The following BAG1 variants were observed in gnomAD, a reference collection of about 807,000 sequenced individuals.
The protein encoded by BAG1 is BAG cochaperone 1.
A neutral mutation model predicts 35.5 loss-of-function variants in BAG1; 35 were observed. The observed-to-expected ratio is 0.99, with a 90% confidence interval of 0.75 to 1.31. The LOEUF is 1.31. Among genes scored for constraint, BAG1 ranks in the 50% most tolerant of loss-of-function variants. The pLI, the probability that BAG1 is intolerant of heterozygous loss-of-function variation, is 0.00. For synonymous variants in BAG1, 191 were observed against 178.9 expected (o/e 1.07, Z -0.54); for missense variants, 464 against 453.6 (o/e 1.02, Z -0.21).
chr9:33,261,048 A>G (rs779216485), intron 3 of BAG1, 39 bp downstream of exon 3: 16 of 1,539,322 alleles, frequency 1.0e-5, no homozygotes, highest in Admixed American at 1.8e-5. Context: ...GACTTCAGTC[A>G]TTTGATTCTG....
At chr9:33,262,934 A>C in intron 1 of BAG1, 104 bp from the exon 2 acceptor site, 7 of 1,483,084 alleles carry the variant, frequency 4.7e-6, no homozygotes, top group Non-Finnish European at 6.4e-6. Context: ...GGCCCAGCTC[A>C]TATGCCACCT....
At chr9:33,256,511 G>A (rs536220035) in intron 5 of BAG1, among the ~76,000 whole-genome samples, 10 of 152,340 alleles carry the variant, frequency 6.6e-5, no homozygotes, top group African/African-American at 2.4e-4. Context: ...ATGAGATCGT[G>A]GACTCCTTGG....
chr9:33,264,489 G>A lies in BAG1; in HGVS notation c.186C>T (p.Gly62=), dbSNP rs1820665428. The A allele has an allele frequency of 1.2e-6, 2 of 1,610,086 alleles. No homozygotes were observed. The highest frequency in any genetic ancestry group is 2.2e-5 in the East Asian group (1 of 44,814). Reference sequence around the variant, plus strand: ...GCGGCCTGCGAGCGCCGGCGGCGGCGCCCCTGGTGGGTCGGTCATGCCCGC... The same window carrying A: ...GCGGCCTGCGAGCGCCGGCGGCGGCACCCCTGGTGGGTCGGTCATGCCCGC... The change falls in exon 1 of 7, where the codon GGC becomes GGT. Residue 62 remains glycine, a synonymous_variant. Coordinates refer to ENST00000634734, the MANE Select transcript of BAG1 (RefSeq NM_004323.6).
intron 2 of BAG1, among the ~76,000 whole-genome samples, chr9:33,261,419 A>G (rs1036801256): frequency 8.5e-5 from 13 of 152,212 alleles, no homozygotes; most frequent in African/African-American, 2.9e-4. Flanking sequence ...AACTGGAAAG[A>G]GCCAAATATT....
chr9:33,254,829 A>C lies in BAG1; in HGVS notation c.*390T>G, dbSNP rs1820417035. 2.6e-6 allele frequency: 1 copy of C among 380,060 alleles called. No individual in the cohort carries two copies. The highest frequency in any genetic ancestry group is 2.1e-5 in the African/African-American group (1 of 47,262). The allele number at this position is 380,060 out of a possible 1,614,324, so 23.5% of individuals were successfully genotyped here. A position where few individuals can be genotyped will look rare whatever the true frequency, so the allele number is the denominator to read the frequency against. ...GGTTTTACAGCTATGGGACTACACG[A>C]TCACAAGAGCAAAGAAGCCCTCATG... On this transcript the variant is annotated 3_prime_UTR_variant, in exon 7 of 7. Coordinates refer to ENST00000634734, the MANE Select transcript of BAG1 (RefSeq NM_004323.6).
At position 33,261,123 on chromosome 9, in the gene BAG1, T is replaced by C. The variant is rs1476692606; in HGVS notation, c.627A>G (p.Ile209Met). Reference sequence around the variant, plus strand: ...TTAACATGACCCGGCAACCATCTTGTATTCCAAGTGCTGACAACGGTGTTT... The same window carrying C: ...TTAACATGACCCGGCAACCATCTTGCATTCCAAGTGCTGACAACGGTGTTT... Residue 209 changes from isoleucine (I) to methionine (M), a missense_variant, in exon 3 of 7, where the codon ATA becomes ATG. Ile to Met is a conservative substitution (Grantham distance 10). Coordinates refer to ENST00000634734, the MANE Select transcript of BAG1 (RefSeq NM_004323.6). The C allele has an allele frequency of 6.2e-7, 1 of 1,611,024 alleles. No homozygotes were observed. The highest frequency in any genetic ancestry group is 1.7e-5 in the Admixed American group (1 of 59,452).
Position 33,254,993 on chromosome 9 carries a change from A to C in BAG1, c.*226T>G. On this transcript the variant is annotated 3_prime_UTR_variant, in exon 7 of 7. Transcript: ENST00000634734. The stretch of plus-strand genomic sequence containing the variant: ...AGGTGGCCCTCTCCAGAAAAGGTGG[A>C]TTGCTGGACAGTACAACCACAGAGA... 2 of 1,483,384 alleles carry C rather than the reference A, an allele frequency of 1.3e-6. No homozygotes were observed. The highest frequency in any genetic ancestry group is 1.8e-6 in the Non-Finnish European group (2 of 1,105,822). The allele number at this position is 1,483,384 out of a possible 1,614,324, so 91.9% of individuals were successfully genotyped here.
At chr9:33,261,906 C>T (rs1040712308) in intron 2 of BAG1, 33 of 985,260 alleles carry the variant, frequency 3.3e-5, no homozygotes, top group Non-Finnish European at 3.9e-5. Context: ...GGTAAGTTTG[C>T]TCAAAACCTC....
Position 33,264,594 on chromosome 9 carries a change from G to A in BAG1, c.81C>T (p.Gly27=). Reference sequence around the variant, plus strand: ...GGGGCTCCGACTGGCGCGGCTCCCGGCCTGGCCGAAGGGCGCGCAGCCGGG... The same window carrying A: ...GGGGCTCCGACTGGCGCGGCTCCCGACCTGGCCGAAGGGCGCGCAGCCGGG... The change falls in exon 1 of 7, where the codon GGC becomes GGT. Residue 27 remains glycine (G), a synonymous_variant. Transcript: ENST00000634734. 7.2e-6 allele frequency: 10 copies of A among 1,391,624 alleles called. No individual in the cohort carries two copies. Among genetic ancestry groups the A allele is most frequent in the Non-Finnish European group, 9.2e-6 (10 of 1,083,048 alleles). 86.2% of individuals were successfully genotyped at this position (1,391,624 alleles called of 1,614,324 possible).
chr9:33,262,155 GC>G, intron 2 of BAG1: 1 of 1,289,754 alleles, frequency 7.8e-7, no homozygotes, highest in South Asian at 1.2e-5. Context: ...TGAGATTTCT[GC>G]CATCATCATA....
chr9:33,255,769 A>G (rs1221568367), intron 6 of BAG1, 96 bp downstream of exon 6: 1 of 1,377,482 alleles, frequency 7.3e-7, no homozygotes. Flanking sequence ...CCCATACCAC[A>G]CACCACGCTC....
chr9:33,255,717 C>A (rs1489712511), intron 6 of BAG1, 148 bp downstream of exon 6: 2 of 814,394 alleles, frequency 2.5e-6, no homozygotes, highest in Non-Finnish European at 3.9e-6. Flanking sequence ...TGGCTCTTCT[C>A]TGACGTTTGG....
chr9:33,264,510 C>T lies in BAG1; in HGVS notation c.165G>A (p.Gly55=). 1.9e-6 allele frequency: 3 copies of T among 1,601,288 alleles called. No homozygotes were observed. Among genetic ancestry groups the T allele is most frequent in the Non-Finnish European group, 2.6e-6 (3 of 1,175,554 alleles). ...CGGCGCCCCTGGTGGGTCGGTCATG[C>T]CCGCTGGCAGTACTCCGGGCAGGTG... Residue 55 remains glycine (G), a synonymous_variant, in exon 1 of 7, where the codon GGG becomes GGA. Coordinates refer to ENST00000634734, the MANE Select transcript of BAG1 (RefSeq NM_004323.6).
At chr9:33,256,941 C>CT (rs1329693659) in intron 4 of BAG1, 33 bp from the exon 5 acceptor site, 1 of 1,543,830 alleles carries the variant, frequency 6.5e-7, no homozygotes, top group African/African-American at 1.4e-5. Context: ...TGCAAGGGTT[C>CT]TCTGAGGCTG....
chr9:33,257,254 C>G (rs1165218063), intron 4 of BAG1: 2 of 214,410 alleles, frequency 9.3e-6, no homozygotes, highest in East Asian at 2.4e-4. Context: ...CTGCCATTTA[C>G]TAACTTGTGA....
intron 2 of BAG1, chr9:33,261,857 G>C (rs1233955260): frequency 1.0e-6 from 1 of 983,210 alleles, no homozygotes; most frequent in Non-Finnish European, 1.2e-6. Flanking sequence ...GCAGAAATGA[G>C]CATCATGCAT....
chr9:33,255,394 G>T, intron 6 of BAG1, 86 bp from the exon 7 acceptor site: 2 of 1,594,702 alleles, frequency 1.3e-6, no homozygotes, highest in Middle Eastern at 1.9e-4. Flanking sequence ...CCCATTCTGG[G>T]GAACCCATGG....
rs536185662 is a variant in BAG1 at position 33,260,866 on chromosome 9, C to T, written c.663+221G>A. Among the ~76,000 whole-genome samples the T allele has an allele frequency of 8.5e-5, 13 of 152,282 alleles. No homozygotes were observed. The South Asian group carries it at 1.2e-3, about 15-fold the overall frequency. ...AAACATATTATTAAGGCAGCACAAC[C>T]GCTCCTAATTCCTAGAGCAAAAGTT... is the stretch of plus-strand genomic sequence containing the variant. On this transcript the variant is annotated intron_variant, in intron 3 of 6. Coordinates refer to ENST00000634734, the MANE Select transcript of BAG1 (RefSeq NM_004323.6).
rs374860968 is a variant in BAG1, at chr9:33,255,353, C to T, written c.949-45G>A. ...CAGTAAGGGCCCATCCAGGGGTAGCCGACCACTGCCCACACAAGGCTCCTT... is the reference window on the plus strand; with the variant it reads ...CAGTAAGGGCCCATCCAGGGGTAGCTGACCACTGCCCACACAAGGCTCCTT... On this transcript the variant is annotated intron_variant, in intron 6 of 6. Transcript: ENST00000634734. 24 of 1,612,998 alleles carry T rather than the reference C, an allele frequency of 1.5e-5. No individual in the cohort carries two copies. In the Admixed American group the frequency reaches 1.7e-4, roughly 11 times the overall value.
Sources: allele counts gnomAD v4.1 joint callset (sites outside exome capture counted in the v4.1 genomes callset), GRCh38; gene constraint gnomAD v4.1.1; transcripts MANE v1.5; gene names NCBI Gene and HGNC (gene_info 2026-07-23, HGNC 2026-07-21).